Variants in VPS13D observed in about 807,000 individuals in gnomAD.
The protein encoded by VPS13D is vacuolar protein sorting 13 homolog D, also known as intermembrane lipid transfer protein VPS13D.
A neutral mutation model predicts 461.9 loss-of-function variants in VPS13D; 187 were observed. That is an observed-to-expected ratio of 0.40 (90% CI 0.36 to 0.46). VPS13D has a LOEUF of 0.46. Ranked by LOEUF, VPS13D falls within the 20% of genes least tolerant of loss-of-function variation. The probability of loss-of-function intolerance (pLI) is 0.60; values close to 1 mark genes in which losing one functional copy is unlikely to be tolerated. For synonymous variants in VPS13D, 1,951 were observed against 1,986.3 expected (o/e 0.98, Z 0.47); for missense variants, 4,711 against 5,364.9 (o/e 0.88, Z 3.81).
chr1:12,381,671 A>C (rs1391029274), intron 57 of VPS13D, among the ~76,000 whole-genome samples: 1 of 152,222 alleles, frequency 6.6e-6, no homozygotes, highest in African/African-American at 2.4e-5. Flanking sequence ...CTGAGTGTTC[A>C]GACTGTGTTC....
intron 40 of VPS13D, among the ~76,000 whole-genome samples, chr1:12,340,528 A>G (rs1643545697): frequency 6.6e-6 from 1 of 152,352 alleles, no homozygotes. Flanking sequence ...GTTATGATAC[A>G]GTCCCAGCCT....
intron 52 of VPS13D, among the ~76,000 whole-genome samples, chr1:12,367,162 G>A (rs1448852351): frequency 6.6e-6 from 1 of 152,078 alleles, no homozygotes; most frequent in Non-Finnish European, 1.5e-5. Context: ...TTTGTCTTTA[G>A]TGACATTGAC....
intron 60 of VPS13D, among the ~76,000 whole-genome samples, chr1:12,399,353 C>T (rs770974304): frequency 6.6e-6 from 1 of 151,762 alleles, no homozygotes; most frequent in African/African-American, 2.4e-5. Flanking sequence ...CCCACGACCA[C>T]GTCCAGCTAA....
intron 25 of VPS13D, 125 bp from the exon 26 acceptor site, chr1:12,304,381 T>C (rs886830269): frequency 3.5e-5 from 28 of 808,308 alleles, no homozygotes; most frequent in African/African-American, 5.2e-5. Flanking sequence ...AGTATAAGTA[T>C]TATAGAGTCT....
chr1:12,239,432 C>T (rs1439111479), intron 2 of VPS13D, among the ~76,000 whole-genome samples: 3 of 152,224 alleles, frequency 2.0e-5, no homozygotes, highest in Non-Finnish European at 4.4e-5. Context: ...AGCCACTGCG[C>T]CCAGCCTTAA....
chr1:12,316,056 C>T (rs1224187823), intron 30 of VPS13D, among the ~76,000 whole-genome samples: 1 of 152,150 alleles, frequency 6.6e-6, no homozygotes, highest in Non-Finnish European at 1.5e-5. Context: ...ACCTTGTGAT[C>T]TGCCCGCCTC....
intron 67 of VPS13D, among the ~76,000 whole-genome samples, chr1:12,494,028 C>CA (rs1645923609): frequency 6.6e-6 from 1 of 152,106 alleles, no homozygotes; most frequent in Non-Finnish European, 1.5e-5. Flanking sequence ...ATTCATAAGA[C>CA]TGTAACAGAA....
chr1:12,318,296 T>C lies in VPS13D; in HGVS notation c.7373T>C (p.Val2458Ala). 1.2e-6 allele frequency: 2 copies of C among 1,612,954 alleles called. No individual in the cohort carries two copies. Among genetic ancestry groups the C allele is most frequent in the Non-Finnish European group, 1.7e-6 (2 of 1,178,944 alleles). The change falls in exon 31 of 70, where the codon GTG becomes GCG. Residue 2458 changes from valine (V) to alanine (A), a missense_variant. Physicochemically the swap from Val to Ala is moderately conservative, Grantham distance 64 (BLOSUM62 0). This residue lies in a region of VPS13D where 4,411 missense variants were observed against 4,937.8 expected (regional missense o/e 0.89). Transcript: ENST00000620676. The stretch of plus-strand genomic sequence containing the variant: ...GTTACCAAGCGGTCTTCCCTTCCTG[T>C]GTCCAATGAAAGGCACCTGGAGGTC... ...GVVTKRSSLP[V>A]SNERHLEVKV...
At chr1:12,411,364 G>A (rs1644725573) in intron 63 of VPS13D, among the ~76,000 whole-genome samples, 1 of 152,048 alleles carries the variant, frequency 6.6e-6, no homozygotes, top group African/African-American at 2.4e-5. Context: ...TGGGTGTGGT[G>A]GCTTACACCT....
In VPS13D at chr1:12,369,676, C is replaced by T. The variant is rs760932336; in HGVS notation, c.10782C>T (p.Tyr3594=). The T allele has an allele frequency of 1.2e-6, 2 of 1,613,976 alleles. No homozygotes were observed. The highest frequency in any genetic ancestry group is 2.7e-5 in the African/African-American group (2 of 74,908). ...NRQLYYENFI[Y]IAATYTFSGL... is the part of the protein sequence containing the mutation. ...AGCTTTATTATGAAAATTTCATTTA[C>T]ATTGCTGCTACATATACATTCTCTG... Residue 3594 remains tyrosine, a synonymous_variant, in exon 54 of 70, where the codon TAC becomes TAT. Transcript: ENST00000620676.
At chr1:12,430,637 A>G (rs576360102) in intron 65 of VPS13D, among the ~76,000 whole-genome samples, 1 of 152,146 alleles carries the variant, frequency 6.6e-6, no homozygotes, top group Non-Finnish European at 1.5e-5. Context: ...CTTCACAAAC[A>G]CTGAGCCCAC....
intron 23 of VPS13D, 44 bp from the exon 24 acceptor site, chr1:12,293,480 G>A: frequency 6.6e-7 from 1 of 1,519,124 alleles, no homozygotes; most frequent in South Asian, 1.3e-5. Flanking sequence ...ATACTAACTT[G>A]TGTCTTGCTG....
intron 30 of VPS13D, 124 bp from the exon 31 acceptor site, chr1:12,317,948 T>C: frequency 1.1e-6 from 1 of 937,952 alleles, no homozygotes; most frequent in Non-Finnish European, 1.6e-6. Flanking sequence ...TTACTGATAC[T>C]CAAAGCAGGC....
At chr1:12,246,320 G>A (rs1158933048) in intron 5 of VPS13D, among the ~76,000 whole-genome samples, 2 of 152,174 alleles carry the variant, frequency 1.3e-5, no homozygotes, top group African/African-American at 2.4e-5. Flanking sequence ...ACACTCCTGA[G>A]CTGTAGGAGA....
chr1:12,507,696 G>C lies in VPS13D; in HGVS notation c.13035+603G>C, dbSNP rs1646130217. On this transcript the variant is annotated intron_variant, in intron 69 of 69. Transcript: ENST00000620676. This position sits in a 1 kb window ranked among gnomAD's most constrained non-coding sequence, Gnocchi z 5.3. ...TGGGTTGTCTGATCACTGTGTTGCT[G>C]TCATCCCCTCCTCACTATTGGTCAT... 6.6e-6 allele frequency among the ~76,000 whole-genome samples: 1 copy of C among 152,222 alleles called. No individual in the cohort carries two copies. The highest frequency in any genetic ancestry group is 1.5e-5 in the Non-Finnish European group (1 of 68,036).
chr1:12,381,954 C>CTTTCT (rs1644283469), intron 57 of VPS13D, among the ~76,000 whole-genome samples: 1 of 135,626 alleles, frequency 7.4e-6, no homozygotes, highest in Admixed American at 7.9e-5. Flanking sequence ...TTCTTTCTTT[C>CTTTCT]TTTCTTTCTT....
At position 12,509,026 on chromosome 1, in the gene VPS13D, G is replaced by A. The variant is rs566023561; in HGVS notation, c.*2G>A. On this transcript the variant is annotated 3_prime_UTR_variant, in exon 70 of 70. Coordinates refer to ENST00000620676, the MANE Select transcript of VPS13D (RefSeq NM_015378.4). Reference sequence around the variant, plus strand: ...GAGCAGCTGGAGCTGGACTCCTGAAGCCCCGCTGCTGAGATGGGCGCTCCC... The same window carrying A: ...GAGCAGCTGGAGCTGGACTCCTGAAACCCCGCTGCTGAGATGGGCGCTCCC... The A allele has an allele frequency of 6.2e-7, 1 of 1,613,974 alleles. No homozygotes were observed. Among genetic ancestry groups the A allele is most frequent in the African/African-American group, 1.3e-5 (1 of 75,054 alleles).
Position 12,319,537 on chromosome 1 carries a change from C to T in VPS13D, c.7455C>T (p.Asp2485=). Residue 2485 remains aspartate (D), a synonymous_variant, in exon 32 of 70, where the codon GAC becomes GAT. Coordinates refer to ENST00000620676, the MANE Select transcript of VPS13D (RefSeq NM_015378.4). ...TCATTGAAGATGTGTCCTGCTTCGA[C>T]ACCAATGCCATTATTCTGAAAGGCA... ...FVVIEDVSCF[D]TNAIILKGTT... is the part of the protein sequence containing the mutation. The T allele has an allele frequency of 6.2e-7, 1 of 1,614,226 alleles. No homozygotes were observed. The highest frequency in any genetic ancestry group is 2.2e-5 in the East Asian group (1 of 44,878).
chr1:12,290,519 G>A (rs1196821123), intron 22 of VPS13D, among the ~76,000 whole-genome samples: 1 of 151,994 alleles, frequency 6.6e-6, no homozygotes. Flanking sequence ...TCAGGAGATC[G>A]AGACCATCCT....
Sources: gnomAD v4.1 joint callset for allele counts (sites outside exome capture counted in the v4.1 genomes callset) on GRCh38, gnomAD v4.1.1 for gene constraint, gnomAD v4.1.1 regional missense constraint, Gnocchi (gnomAD v3.1) non-coding constraint, MANE v1.5 for transcripts, NCBI Gene and HGNC (gene_info 2026-07-23, HGNC 2026-07-21) for gene names.